ILRUN: variants seen among roughly 807,000 people sequenced by gnomAD.
ILRUN encodes protein ILRUN.
ILRUN carries 3 observed loss-of-function variants against 33.8 expected under a neutral mutation model. The observed-to-expected ratio is 0.09, with a 90% CI of 0.04 to 0.23. ILRUN has a LOEUF of 0.23. Among genes scored for constraint, ILRUN ranks in the 10% least tolerant of loss-of-function variants. ILRUN has a pLI of 1.00. For missense variants in ILRUN, 210 were observed against 375.1 expected (o/e 0.56, Z 3.64); for synonymous variants, 124 against 138.9 (o/e 0.89, Z 0.75).
chr6:34,663,839 A>C (rs1292574689), intron 1 of ILRUN, among the ~76,000 whole-genome samples: 4 of 152,252 alleles, frequency 2.6e-5, no homozygotes, highest in African/African-American at 9.6e-5. Context: ...GAATATGTTA[A>C]GTTATATCGC....
intron 4 of ILRUN, among the ~76,000 whole-genome samples, chr6:34,598,028 T>C (rs1449097985): frequency 6.6e-6 from 1 of 152,240 alleles, no homozygotes; most frequent in Non-Finnish European, 1.5e-5. Flanking sequence ...TCATCTTTAC[T>C]GGCTCTTATT....
chr6:34,652,511 T>C (rs1762690564), intron 2 of ILRUN, among the ~76,000 whole-genome samples: 1 of 152,190 alleles, frequency 6.6e-6, no homozygotes, highest in Non-Finnish European at 1.5e-5. Flanking sequence ...AAACTAAGAA[T>C]AACAATTCAA....
At chr6:34,621,937 A>G (rs1317274341) in intron 3 of ILRUN, among the ~76,000 whole-genome samples, 1 of 152,200 alleles carries the variant, frequency 6.6e-6, no homozygotes, top group African/African-American at 2.4e-5. Context: ...CTGCCCAGAA[A>G]CAAACCTTGT....
chr6:34,617,507 T>A (rs1761920692), intron 3 of ILRUN, among the ~76,000 whole-genome samples: 1 of 152,108 alleles, frequency 6.6e-6, no homozygotes, highest in Non-Finnish European at 1.5e-5. Flanking sequence ...GTAGCCACGC[T>A]CCCCTGACAC....
chr6:34,588,302 G>A lies in ILRUN; in HGVS notation c.*2263C>T, dbSNP rs994398740. The A allele has an allele frequency of 1.3e-5, 5 of 398,274 alleles. No homozygotes were observed. Among genetic ancestry groups the A allele is most frequent in the African/African-American group, 8.2e-5 (4 of 48,614 alleles). 24.7% of individuals were successfully genotyped at this position (398,274 alleles called of 1,614,324 possible). A position where few individuals can be genotyped will look rare whatever the true frequency, so the allele number is the denominator to read the frequency against. On this transcript the variant is annotated 3_prime_UTR_variant, in exon 5 of 5. Coordinates refer to ENST00000374023, the MANE Select transcript of ILRUN (RefSeq NM_024294.4). ...CTAGAAGCAAGAGGAAGAGCAAGACGACTCTGGCAGGCCCAGACCCACTGA... is the reference window on the plus strand; with the variant it reads ...CTAGAAGCAAGAGGAAGAGCAAGACAACTCTGGCAGGCCCAGACCCACTGA...
Position 34,589,526 on chromosome 6 carries a change from G to A in ILRUN, c.*1039C>T, listed in dbSNP as rs1331762014. On this transcript the variant is annotated 3_prime_UTR_variant, in exon 5 of 5. Transcript: ENST00000374023. The stretch of plus-strand genomic sequence containing the variant: ...CAACTGAAGAGAAACAGGGAAAGGT[G>A]TTGTGTGACAACAGAGAAGCATGGG... 1 of 152,282 alleles carries A rather than the reference G, an allele frequency of 6.6e-6. No individual in the cohort carries two copies. Among genetic ancestry groups the A allele is most frequent in the Non-Finnish European group, 1.5e-5 (1 of 68,068 alleles). 9.4% of individuals were successfully genotyped at this position (152,282 alleles called of 1,614,324 possible).
chr6:34,683,528 A>ACACATATATATATATG, intron 1 of ILRUN, among the ~76,000 whole-genome samples: 1 of 95,886 alleles, frequency 1.0e-5, no homozygotes, highest in East Asian at 2.6e-4. Flanking sequence ...ATATATATAT[A>ACACATATATATATATG]CATATTGCAC....
intron 1 of ILRUN, among the ~76,000 whole-genome samples, chr6:34,665,568 C>A (rs1762977083): frequency 6.6e-6 from 1 of 151,928 alleles, no homozygotes; most frequent in Non-Finnish European, 1.5e-5. Flanking sequence ...TTATAGTAGG[C>A]GTGAGCCACC....
Position 34,590,389 on chromosome 6 carries a change from A to T in ILRUN, c.*176T>A. Reference sequence around the variant, plus strand: ...CCTGTGATTCAGCATTCACACATGCATACTGAGTTTACTCAAAACTAGTCT... The same window carrying T: ...CCTGTGATTCAGCATTCACACATGCTTACTGAGTTTACTCAAAACTAGTCT... On this transcript the variant is annotated 3_prime_UTR_variant, in exon 5 of 5. Transcript: ENST00000374023. 3 of 747,272 alleles carry T rather than the reference A, an allele frequency of 4.0e-6. No homozygotes were observed. Among genetic ancestry groups the T allele is most frequent in the Non-Finnish European group, 6.2e-6 (3 of 482,040 alleles). 46.3% of individuals were successfully genotyped at this position (747,272 alleles called of 1,614,324 possible).
At chr6:34,597,928 G>T (rs1473234755) in intron 4 of ILRUN, among the ~76,000 whole-genome samples, 1 of 152,048 alleles carries the variant, frequency 6.6e-6, no homozygotes, top group Non-Finnish European at 1.5e-5. Flanking sequence ...TCCATCAAGG[G>T]ATCAATTTCT....
At chr6:34,606,148 G>A (rs1761624259) in intron 4 of ILRUN, among the ~76,000 whole-genome samples, 1 of 152,168 alleles carries the variant, frequency 6.6e-6, no homozygotes, top group Non-Finnish European at 1.5e-5. Flanking sequence ...TCATGGATAA[G>A]GAAGTCGATG....
chr6:34,619,660 T>C (rs1314495852), intron 3 of ILRUN, among the ~76,000 whole-genome samples: 2 of 152,228 alleles, frequency 1.3e-5, no homozygotes, highest in South Asian at 2.1e-4. Context: ...TGGCCTCTAT[T>C]ACCTTTTAAG....
chr6:34,628,229 C>T (rs1762177988), intron 3 of ILRUN, among the ~76,000 whole-genome samples: 1 of 152,134 alleles, frequency 6.6e-6, no homozygotes, highest in Non-Finnish European at 1.5e-5. Flanking sequence ...CCATGTTGGC[C>T]AGGCTGGTCT....
chr6:34,674,219 G>A (rs1347364175), intron 1 of ILRUN, among the ~76,000 whole-genome samples: 1 of 152,128 alleles, frequency 6.6e-6, no homozygotes, highest in Non-Finnish European at 1.5e-5. Context: ...TAAAGACGGG[G>A]TTTCACCATG....
intron 1 of ILRUN, among the ~76,000 whole-genome samples, chr6:34,668,867 G>A (rs1763056075): frequency 7.2e-6 from 1 of 139,058 alleles, no homozygotes; most frequent in Non-Finnish European, 1.5e-5. Flanking sequence ...TTTTGGAGAT[G>A]AAGTTTCGCT....
At chr6:34,677,748 A>G (rs576553740) in intron 1 of ILRUN, among the ~76,000 whole-genome samples, 2 of 152,210 alleles carry the variant, frequency 1.3e-5, no homozygotes, top group Non-Finnish European at 2.9e-5. Flanking sequence ...CAGGAGTTCG[A>G]GGCCAGTCTG....
At chr6:34,590,637 T>C (rs368878746) in intron 4 of ILRUN, 37 bp from the exon 5 acceptor site, 3 of 1,451,712 alleles carry the variant, frequency 2.1e-6, no homozygotes, top group Admixed American at 1.7e-5. Flanking sequence ...ATGGTACACA[T>C]AGCAGTGCAA....
chr6:34,635,313 T>C (rs1176216698), intron 3 of ILRUN, among the ~76,000 whole-genome samples: 1 of 152,026 alleles, frequency 6.6e-6, no homozygotes, highest in Non-Finnish European at 1.5e-5. Context: ...GTGGACTGCA[T>C]GAGTCTAGGA....
intron 3 of ILRUN, among the ~76,000 whole-genome samples, chr6:34,614,127 C>T (rs188502828): frequency 3.3e-5 from 5 of 152,114 alleles, no homozygotes; most frequent in African/African-American, 9.7e-5. Flanking sequence ...ATAAAATAAA[C>T]ATACATGAAT....
Sources: allele counts gnomAD v4.1 joint callset (sites outside exome capture counted in the v4.1 genomes callset), GRCh38; gene constraint gnomAD v4.1.1; transcripts MANE v1.5; gene names NCBI Gene and HGNC (gene_info 2026-07-23, HGNC 2026-07-21).